RCBTB2: variants seen among roughly 807,000 people sequenced by gnomAD.
RCBTB2 encodes the protein RCC1 and BTB domain-containing protein 2.
Under a neutral mutation model 65.4 loss-of-function variants are expected in RCBTB2, and 55 were observed. The observed-to-expected ratio is 0.84, with a 90% confidence interval of 0.68 to 1.05. RCBTB2 has a LOEUF of 1.05. Ranked by LOEUF, RCBTB2 falls within the 50% of genes least tolerant of loss-of-function variation. RCBTB2 has a pLI of 0.00. For synonymous variants in RCBTB2, 220 were observed against 255.2 expected (o/e 0.86, Z 1.31); for missense variants, 599 against 680.1 (o/e 0.88, Z 1.33).
rs1950257217 is a variant in RCBTB2 at position 48,501,983 on chromosome 13, T to C, written c.1118-115A>G. The C allele has an allele frequency of 4.1e-6, 3 of 725,602 alleles. No homozygotes were observed. The East Asian group carries it at 9.2e-5, about 22-fold the overall frequency. 44.9% of individuals were successfully genotyped at this position (725,602 alleles called of 1,614,324 possible). A position where few individuals can be genotyped will look rare whatever the true frequency, so the allele number is the denominator to read the frequency against. ...GAAAGTACCAATTCCTCAAAATAAC[T>C]GAGCAACTGAGCAATGGATTTTTTC... On this transcript the variant is annotated intron_variant, in intron 11 of 14. Coordinates refer to ENST00000344532, the MANE Select transcript of RCBTB2 (RefSeq NM_001268.4).
At chr13:48,518,458 C>CAAAAAAA (rs58455074) in intron 4 of RCBTB2, among the ~76,000 whole-genome samples, 1 of 98,428 alleles carries the variant, frequency 1.0e-5, no homozygotes, top group African/African-American at 3.8e-5. Flanking sequence ...GAGTACTTTG[C>CAAAAAAA]AAAAAAAAAA....
chr13:48,518,057 A>G (rs1409045191), intron 4 of RCBTB2, among the ~76,000 whole-genome samples: 1 of 152,268 alleles, frequency 6.6e-6, no homozygotes, highest in African/African-American at 2.4e-5. Context: ...GGCCACCACC[A>G]GAAGCTGAGA....
At chr13:48,517,372 G>C (rs1413208283) in intron 4 of RCBTB2, among the ~76,000 whole-genome samples, 2 of 152,096 alleles carry the variant, frequency 1.3e-5, no homozygotes, top group African/African-American at 4.8e-5. Flanking sequence ...CTCATCCTCT[G>C]TAACTCCTTC....
intron 6 of RCBTB2, 53 bp downstream of exon 6, chr13:48,515,150 TTC>T (rs1951012459): frequency 2.0e-6 from 3 of 1,526,760 alleles, no homozygotes; most frequent in Non-Finnish European, 2.7e-6. Flanking sequence ...TTAAACAATG[TTC>T]TCAAGGGCAG....
Position 48,496,203 on chromosome 13 carries a change from C to T in RCBTB2, c.1503G>A (p.Lys501=), listed in dbSNP as rs1187628922. ...AAGCTTTCCTTACCTGTGCATCATACTTCACCGCAGCCGAGAGCAGAGCGA... is the reference window on the plus strand; with the variant it reads ...AAGCTTTCCTTACCTGTGCATCATATTTCACCGCAGCCGAGAGCAGAGCGA... ...NAIALLSAAV[K]YDAQDLEEFC... is the part of the protein sequence containing the mutation. Residue 501 remains lysine (K), a synonymous_variant, in exon 14 of 15, where the codon AAG becomes AAA. Transcript: ENST00000344532. 1.3e-6 allele frequency: 2 copies of T among 1,529,316 alleles called. No homozygotes were observed. The highest frequency in any genetic ancestry group is 1.4e-5 in the African/African-American group (1 of 71,942). 94.7% of individuals were successfully genotyped at this position (1,529,316 alleles called of 1,614,324 possible). A position where few individuals can be genotyped will look rare whatever the true frequency, so the allele number is the denominator to read the frequency against.
chr13:48,516,454 T>C (rs1315443799), intron 4 of RCBTB2, among the ~76,000 whole-genome samples: 1 of 152,232 alleles, frequency 6.6e-6, no homozygotes, highest in Non-Finnish European at 1.5e-5. Context: ...CTGAGGGCTG[T>C]GAGGGAAGGA....
intron 2 of RCBTB2, 113 bp from the exon 3 acceptor site, chr13:48,522,516 T>C: frequency 1.6e-6 from 1 of 625,530 alleles, no homozygotes; most frequent in Non-Finnish European, 2.8e-6. Context: ...ATCAAATATG[T>C]AGCAATGCAC....
chr13:48,507,898 A>C (rs1052564680), intron 10 of RCBTB2, among the ~76,000 whole-genome samples: 3 of 152,250 alleles, frequency 2.0e-5, no homozygotes, highest in Admixed American at 6.5e-5. Context: ...GGATGACTGG[A>C]TTAGGAGAAG....
chr13:48,502,137 C>G (rs939015086), intron 11 of RCBTB2, among the ~76,000 whole-genome samples: 1 of 151,804 alleles, frequency 6.6e-6, no homozygotes, highest in Non-Finnish European at 1.5e-5. Flanking sequence ...AAATTTTAAA[C>G]ATTTGAGTAA....
At chr13:48,525,257 G>A (rs1402667660) in intron 1 of RCBTB2, among the ~76,000 whole-genome samples, 1 of 150,400 alleles carries the variant, frequency 6.6e-6, no homozygotes, top group Admixed American at 6.6e-5. Context: ...GAAGATATTT[G>A]TAACATGCAT....
intron 12 of RCBTB2, among the ~76,000 whole-genome samples, chr13:48,500,752 A>T (rs1950198164): frequency 6.6e-6 from 1 of 152,134 alleles, no homozygotes; most frequent in African/African-American, 2.4e-5. Flanking sequence ...GACACTTTTG[A>T]TCTGGGATTT....
At chr13:48,530,419 G>A (rs1221733939) in intron 1 of RCBTB2, among the ~76,000 whole-genome samples, 5 of 152,182 alleles carry the variant, frequency 3.3e-5, no homozygotes, top group African/African-American at 7.2e-5. Context: ...GACATGAGGG[G>A]AAACACACTT....
chr13:48,491,665 A>C (rs1367374812), intron 14 of RCBTB2: 1 of 152,202 alleles, frequency 6.6e-6, no homozygotes, highest in African/African-American at 2.4e-5. Context: ...CACCACACAC[A>C]TTAGAGTGTG....
intron 1 of RCBTB2, among the ~76,000 whole-genome samples, chr13:48,530,895 TAA>T (rs1328077287): frequency 6.6e-6 from 1 of 152,178 alleles, no homozygotes; most frequent in East Asian, 1.9e-4. Context: ...TGGGCTCCCA[TAA>T]AAGACATTGT....
chr13:48,512,301 C>T, intron 7 of RCBTB2, 127 bp from the exon 8 acceptor site: 2 of 745,666 alleles, frequency 2.7e-6, no homozygotes, highest in Non-Finnish European at 4.4e-6. Flanking sequence ...ATCCTCACAA[C>T]ACAGGCAGAG....
At chr13:48,493,943 T>C (rs1419038198) in intron 14 of RCBTB2, among the ~76,000 whole-genome samples, 1 of 152,196 alleles carries the variant, frequency 6.6e-6, no homozygotes, top group African/African-American at 2.4e-5. Context: ...ACTCAGTGAA[T>C]ATTTGTTGAA....
chr13:48,499,009 T>C (rs79682159), intron 13 of RCBTB2, among the ~76,000 whole-genome samples: 1 of 151,776 alleles, frequency 6.6e-6, no homozygotes, highest in Non-Finnish European at 1.5e-5. Context: ...CAGGAGACCA[T>C]CATCTCACAC....
chr13:48,505,175 C>T (rs1220346611), intron 10 of RCBTB2, among the ~76,000 whole-genome samples: 1 of 151,996 alleles, frequency 6.6e-6, no homozygotes, highest in Non-Finnish European at 1.5e-5. Flanking sequence ...TCACTTAGCA[C>T]CTAGGAGCCT....
At chr13:48,502,950 A>G in intron 10 of RCBTB2, 36 bp from the exon 11 acceptor site, 1 of 1,489,328 alleles carries the variant, frequency 6.7e-7, no homozygotes, top group South Asian at 1.2e-5. Flanking sequence ...AAGCACAGTG[A>G]CCGGGGCAGA....
Sources: allele counts gnomAD v4.1 joint callset (sites outside exome capture counted in the v4.1 genomes callset), GRCh38; gene constraint gnomAD v4.1.1; transcripts MANE v1.5; gene names NCBI Gene and HGNC (gene_info 2026-07-23, HGNC 2026-07-21).